Variants in MCMDC2 observed in about 807,000 individuals in gnomAD.
MCMDC2 encodes minichromosome maintenance domain containing 2.
MCMDC2 carries 54 observed loss-of-function variants against 75.8 expected under a neutral mutation model. The ratio of observed to expected loss-of-function variants is 0.71; its 90% CI spans 0.57 to 0.89. MCMDC2 has a LOEUF of 0.89. Ranked by LOEUF, MCMDC2 falls within the 40% of genes least tolerant of loss-of-function variation. MCMDC2 has a pLI of 0.00. For missense variants in MCMDC2, 656 were observed against 780.4 expected, an observed-to-expected ratio of 0.84 and a Z score of 1.90; for synonymous variants, 249 against 274.6, an observed-to-expected ratio of 0.91 and a Z score of 0.92.
intron 14 of MCMDC2, among the ~76,000 whole-genome samples, chr8:66,916,161 G>A (rs62513067): frequency 0.033 from 5,008 of 152,008 alleles, 121 homozygotes; most frequent in Middle Eastern, 0.099. Context: ...TTTAAAGATA[G>A]AAGGTATAAA....
At chr8:66,914,354 GA>G (rs947094270) in intron 14 of MCMDC2, among the ~76,000 whole-genome samples, 12 of 149,294 alleles carry the variant, frequency 8.0e-5, no homozygotes, top group Middle Eastern at 3.5e-3. Flanking sequence ...ATGCTATGAA[GA>G]AAATCAACAG....
chr8:66,918,986 T>C lies in MCMDC2; in HGVS notation c.1880-17T>C. ...AGGAGTATTTGTCATTTACACTCTA[T>C]TATCTTCTTCATTTAGGGGCCACTG... On this transcript the variant is annotated splice_polypyrimidine_tract_variant and intron_variant, in intron 14 of 14. Transcript: ENST00000422365. The C allele has an allele frequency of 6.7e-7, 1 of 1,485,996 alleles. No homozygotes were observed. The highest frequency in any genetic ancestry group is 9.0e-7 in the Non-Finnish European group (1 of 1,113,882). The allele number at this position is 1,485,996 out of a possible 1,614,324, so 92.1% of individuals were successfully genotyped here.
At position 66,874,097 on chromosome 8, in the gene MCMDC2, C is replaced by A; in HGVS notation, c.-44C>A. 1 of 1,399,712 alleles carries A rather than the reference C, an allele frequency of 7.1e-7. No individual in the cohort carries two copies. The highest frequency in any genetic ancestry group is 9.8e-7 in the Non-Finnish European group (1 of 1,024,416). The allele number at this position is 1,399,712 out of a possible 1,614,324, so 86.7% of individuals were successfully genotyped here. ...GAGTTTCGCCATCTATAGCTTTTATCAACAATTGTGGTTTAATCAATTAGA... is the reference window on the plus strand; with the variant it reads ...GAGTTTCGCCATCTATAGCTTTTATAAACAATTGTGGTTTAATCAATTAGA... On this transcript the variant is annotated 5_prime_UTR_variant, in exon 2 of 15. Coordinates refer to ENST00000422365, the MANE Select transcript of MCMDC2 (RefSeq NM_173518.5).
intron 5 of MCMDC2, among the ~76,000 whole-genome samples, chr8:66,878,131 C>T (rs1811385265): frequency 6.6e-6 from 1 of 152,116 alleles, no homozygotes; most frequent in Middle Eastern, 3.2e-3. Context: ...AATGTCCTCT[C>T]TCAACCCTTT....
chr8:66,886,049 T>G (rs1215324389), intron 9 of MCMDC2, among the ~76,000 whole-genome samples: 3 of 152,160 alleles, frequency 2.0e-5, no homozygotes, highest in African/African-American at 7.2e-5. Context: ...CTATTATGAA[T>G]AAAGCTGCTG....
intron 9 of MCMDC2, among the ~76,000 whole-genome samples, chr8:66,889,379 C>T (rs115090504): frequency 0.036 from 5,428 of 152,244 alleles, 106 homozygotes; most frequent in Admixed American, 0.047. Context: ...CCTGTAGTTC[C>T]AGCTACTTGG....
intron 8 of MCMDC2, among the ~76,000 whole-genome samples, chr8:66,883,405 A>G (rs1176956166): frequency 6.6e-6 from 1 of 152,202 alleles, no homozygotes; most frequent in Non-Finnish European, 1.5e-5. Flanking sequence ...CAGCCAATCT[A>G]TGTGGACACA....
At chr8:66,909,915 T>C (rs944431356) in intron 14 of MCMDC2, among the ~76,000 whole-genome samples, 2 of 151,680 alleles carry the variant, frequency 1.3e-5, no homozygotes, top group Non-Finnish European at 1.5e-5. Flanking sequence ...GGAGGAAAAA[T>C]GGTTTTGTGG....
At chr8:66,902,711 A>AAAAAATATATAT (rs1467425752) in intron 13 of MCMDC2, among the ~76,000 whole-genome samples, 2 of 67,924 alleles carry the variant, frequency 2.9e-5, no homozygotes, top group East Asian at 5.0e-4. Context: ...AAAAAAAAAA[A>AAAAAATATATAT]ATATATATAT....
chr8:66,876,950 A>T (rs968730439), intron 4 of MCMDC2, among the ~76,000 whole-genome samples: 1 of 151,808 alleles, frequency 6.6e-6, no homozygotes, highest in African/African-American at 2.4e-5. Context: ...TTAGTAGAGA[A>T]GGGGTTTCAC....
At chr8:66,886,814 C>A (rs1811865359) in intron 9 of MCMDC2, among the ~76,000 whole-genome samples, 1 of 151,824 alleles carries the variant, frequency 6.6e-6, no homozygotes, top group Non-Finnish European at 1.5e-5. Context: ...GCCAGTTTTC[C>A]GAAGTGGTTG....
chr8:66,874,723 G>A, intron 4 of MCMDC2, 137 bp downstream of exon 4: 1 of 726,724 alleles, frequency 1.4e-6, no homozygotes, highest in Non-Finnish European at 2.2e-6. Context: ...ATCTTACATA[G>A]GCATCTTTAT....
chr8:66,925,575 T>C (rs572971838), downstream of MCMDC2: 3 of 152,264 alleles, frequency 2.0e-5, no homozygotes, highest in Admixed American at 1.3e-4. Flanking sequence ...TCTTAGGCAC[T>C]CCGGTGGCCC....
intron 1 of MCMDC2, among the ~76,000 whole-genome samples, chr8:66,873,126 ACT>A (rs1811104839): frequency 6.6e-6 from 1 of 152,176 alleles, no homozygotes; most frequent in Non-Finnish European, 1.5e-5. Context: ...TGTTACAACT[ACT>A]GACATATATT....
At chr8:66,887,628 TA>T (rs2130816120) in intron 9 of MCMDC2, among the ~76,000 whole-genome samples, 1 of 152,272 alleles carries the variant, frequency 6.6e-6, no homozygotes, top group East Asian at 1.9e-4. Flanking sequence ...CTAGAAGCAT[TA>T]TAGTTTTAGT....
Position 66,897,186 on chromosome 8 carries a change from C to T in MCMDC2, c.1626+227C>T, listed in dbSNP as rs377275917. 2.0e-4 allele frequency among the ~76,000 whole-genome samples: 30 copies of T among 152,090 alleles called. 1 individual carries two copies. The South Asian group carries it at 3.7e-3, about 19-fold the overall frequency. ...CTTTGAGAGGCCCAGGCGGGTGGCTCACTTGAGGCCAGGAGTTCGAGACCA... is the reference window on the plus strand; with the variant it reads ...CTTTGAGAGGCCCAGGCGGGTGGCTTACTTGAGGCCAGGAGTTCGAGACCA... On this transcript the variant is annotated intron_variant, in intron 12 of 14. Transcript: ENST00000422365.
chr8:66,924,417 A>C (rs971607809), downstream of MCMDC2, among the ~76,000 whole-genome samples: 2 of 151,926 alleles, frequency 1.3e-5, no homozygotes, highest in Admixed American at 6.6e-5. Context: ...ACGAGTGGTC[A>C]GGCTGGTCAG....
downstream of MCMDC2, chr8:66,922,413 C>A (rs554749072): frequency 8.3e-6 from 4 of 484,154 alleles, no homozygotes; most frequent in Non-Finnish European, 1.7e-5. Context: ...AGAATATTCA[C>A]CCTTAATTAA....
chr8:66,923,851 G>A (rs1288170265), downstream of MCMDC2, among the ~76,000 whole-genome samples: 1 of 151,978 alleles, frequency 6.6e-6, no homozygotes, highest in Non-Finnish European at 1.5e-5. Context: ...TCGCGCCACT[G>A]CACTCCAGCC....
Sources: allele counts gnomAD v4.1 joint callset (sites outside exome capture counted in the v4.1 genomes callset), GRCh38; gene constraint gnomAD v4.1.1; transcripts MANE v1.5; gene names NCBI Gene and HGNC (gene_info 2026-07-23, HGNC 2026-07-21).